NYAP2: variants seen among roughly 807,000 people sequenced by gnomAD.
NYAP2 encodes the protein neuronal tyrosine-phosphorylated phosphoinositide-3-kinase adaptor 2, also known as neuronal tyrosine-phosphorylated phosphoinositide-3-kinase adapter 2.
A neutral mutation model predicts 50.4 loss-of-function variants in NYAP2; 23 were observed. That is an observed-to-expected ratio of 0.46 (90% CI 0.33 to 0.65). The LOEUF (loss-of-function observed/expected upper bound fraction) is 0.65. Ranked by LOEUF, NYAP2 falls within the 30% of genes least tolerant of loss-of-function variation. The pLI is 0.02. For missense variants in NYAP2, 885 were observed against 861.0 expected, an observed-to-expected ratio of 1.03 and a Z score of -0.35; for synonymous variants, 394 against 365.2, an observed-to-expected ratio of 1.08 and a Z score of -0.90.
intron 6 of NYAP2, among the ~76,000 whole-genome samples, chr2:225,627,628 C>T (rs1693231971): frequency 6.6e-6 from 1 of 152,112 alleles, no homozygotes; most frequent in South Asian, 2.1e-4. Context: ...GATAACTGGG[C>T]ATTGGGAATG....
At chr2:225,638,093 A>C (rs970027247) in intron 6 of NYAP2, among the ~76,000 whole-genome samples, 3 of 151,882 alleles carry the variant, frequency 2.0e-5, no homozygotes, top group Non-Finnish European at 4.4e-5. Context: ...TAGACTCTAG[A>C]TATTAGAGAG....
intron 6 of NYAP2, among the ~76,000 whole-genome samples, chr2:225,636,049 G>T (rs923904336): frequency 2.0e-5 from 3 of 152,102 alleles, no homozygotes; most frequent in African/African-American, 7.2e-5. Flanking sequence ...TTGTGCAGAG[G>T]GTGGGGAGGA....
At chr2:225,570,408 G>T (rs1455407405) in intron 4 of NYAP2, among the ~76,000 whole-genome samples, 4 of 152,136 alleles carry the variant, frequency 2.6e-5, no homozygotes, top group Admixed American at 2.0e-4. Context: ...GAAATAACCT[G>T]AGACTGGGTA....
chr2:225,453,307 T>C (rs528111766), intron 3 of NYAP2, among the ~76,000 whole-genome samples: 1 of 152,308 alleles, frequency 6.6e-6, no homozygotes, highest in Admixed American at 6.5e-5. Context: ...GACTGTTTGC[T>C]ATATCAGTGC....
intron 3 of NYAP2, among the ~76,000 whole-genome samples, chr2:225,430,732 A>C (rs1433537862): frequency 6.6e-6 from 1 of 152,086 alleles, no homozygotes; most frequent in African/African-American, 2.4e-5. Flanking sequence ...TTTTATTAAA[A>C]CCAAAAACAA....
At chr2:225,451,520 CA>C (rs1359255955) in intron 3 of NYAP2, among the ~76,000 whole-genome samples, 1 of 152,080 alleles carries the variant, frequency 6.6e-6, no homozygotes, top group African/African-American at 2.4e-5. Context: ...AGGATGAATG[CA>C]TTTACCAGAC....
At chr2:225,457,577 C>A (rs371483758) in intron 3 of NYAP2, among the ~76,000 whole-genome samples, 8 of 152,292 alleles carry the variant, frequency 5.3e-5, no homozygotes, top group African/African-American at 1.9e-4. Flanking sequence ...AACAGAGTAA[C>A]ATCTTAACCC....
the NYAP2 span, among the ~76,000 whole-genome samples, chr2:225,671,007 T>C: frequency 1.3e-5 from 2 of 152,138 alleles, no homozygotes; most frequent in African/African-American, 2.4e-5. Flanking sequence ...TTTTTGCCAG[T>C]AGAAGGTCTT....
At chr2:225,655,835 T>C (rs916208362), downstream of NYAP2, among the ~76,000 whole-genome samples, 20 of 151,308 alleles carry the variant, frequency 1.3e-4, no homozygotes, top group African/African-American at 4.6e-4. Flanking sequence ...CCAAGACATG[T>C]TTGAATTTGT....
chr2:225,509,880 C>A (rs1690780439), intron 3 of NYAP2, among the ~76,000 whole-genome samples: 1 of 152,154 alleles, frequency 6.6e-6, no homozygotes, highest in Non-Finnish European at 1.5e-5. Context: ...GAATATGCAT[C>A]CCCATATATT....
intron 4 of NYAP2, among the ~76,000 whole-genome samples, chr2:225,560,423 G>T (rs940233805): frequency 6.6e-6 from 1 of 152,018 alleles, no homozygotes; most frequent in Admixed American, 6.6e-5. Context: ...ACTGAATATT[G>T]TCTTGAGATC....
chr2:225,594,163 T>C (rs976630355), intron 5 of NYAP2, among the ~76,000 whole-genome samples: 18 of 152,186 alleles, frequency 1.2e-4, no homozygotes, highest in African/African-American at 4.3e-4. Flanking sequence ...GAAAATAACA[T>C]TTTAAAGAAG....
intron 3 of NYAP2, 145 bp downstream of exon 3, chr2:225,409,246 C>G (rs1694992140): frequency 1.6e-6 from 1 of 613,856 alleles, no homozygotes; most frequent in Non-Finnish European, 2.8e-6. Flanking sequence ...GACCCCTCAA[C>G]TATAACAAAA....
At chr2:225,571,770 T>C (rs1692077618) in intron 4 of NYAP2, among the ~76,000 whole-genome samples, 1 of 152,198 alleles carries the variant, frequency 6.6e-6, no homozygotes. Context: ...GTGATTAACA[T>C]TTGGCTCCTT....
intron 3 of NYAP2, among the ~76,000 whole-genome samples, chr2:225,502,717 T>C (rs1690628283): frequency 6.6e-6 from 1 of 152,226 alleles, no homozygotes; most frequent in South Asian, 2.1e-4. Flanking sequence ...AAGCCACATC[T>C]TCCCATGGGG....
intron 6 of NYAP2, among the ~76,000 whole-genome samples, chr2:225,644,687 A>G (rs1172831855): frequency 6.8e-6 from 1 of 146,864 alleles, no homozygotes; most frequent in Non-Finnish European, 1.5e-5. Flanking sequence ...AGCACCATTT[A>G]TTAAATAGGG....
At chr2:225,408,840 G>A in intron 2 of NYAP2, 24 bp from the exon 3 acceptor site, 2 of 1,405,264 alleles carry the variant, frequency 1.4e-6, no homozygotes, top group East Asian at 4.6e-5. Flanking sequence ...CTGGATAAAA[G>A]TAAAATGTGT....
rs371077985 is a variant in NYAP2, at chr2:225,513,699, T to A, written c.523+27T>A. 3 of 1,481,374 alleles carry A rather than the reference T, an allele frequency of 2.0e-6. No homozygotes were observed. The African/African-American group carries it at 4.3e-5, about 21-fold the overall frequency. 91.8% of individuals were successfully genotyped at this position (1,481,374 alleles called of 1,614,324 possible). On this transcript the variant is annotated intron_variant, in intron 4 of 6. Coordinates refer to ENST00000636099, the Ensembl canonical transcript of NYAP2. ...TAAAACACGCCATGTCCATGTCACCTAGAAATCTCTTTCAGATAGTATGTT... is the reference window on the plus strand; with the variant it reads ...TAAAACACGCCATGTCCATGTCACCAAGAAATCTCTTTCAGATAGTATGTT...
the NYAP2 span, among the ~76,000 whole-genome samples, chr2:225,670,867 A>C: frequency 1.4e-3 from 215 of 152,264 alleles, 1 homozygote; most frequent in African/African-American, 4.8e-3. Context: ...ACATAGAAAA[A>C]TTATTTTTAC....
Sources: gnomAD v4.1 joint callset for allele counts (sites outside exome capture counted in the v4.1 genomes callset) on GRCh38, gnomAD v4.1.1 for gene constraint, MANE v1.5 for transcripts, NCBI Gene and HGNC (gene_info 2026-07-23, HGNC 2026-07-21) for gene names.